Variants in TEX9 observed in about 807,000 individuals in gnomAD.
The protein encoded by TEX9 is testis-expressed protein 9.
A neutral mutation model predicts 59.6 loss-of-function variants in TEX9; 74 were observed. The observed-to-expected ratio is 1.24, with a 90% CI of 1.03 to 1.51. The LOEUF (loss-of-function observed/expected upper bound fraction) is 1.51. TEX9 is among the 40% of genes most tolerant of loss of function. The probability of loss-of-function intolerance (pLI) is 0.00; values close to 1 mark genes in which losing one functional copy is unlikely to be tolerated. For missense variants in TEX9, 522 were observed against 447.8 expected, an observed-to-expected ratio of 1.17 and a Z score of -1.49; for synonymous variants, 186 against 152.2, an observed-to-expected ratio of 1.22 and a Z score of -1.64.
chr15:56,376,721 T>G (rs2047471571), intron 3 of TEX9, among the ~76,000 whole-genome samples: 1 of 152,142 alleles, frequency 6.6e-6, no homozygotes, highest in Non-Finnish European at 1.5e-5. Flanking sequence ...TTTACTTTAT[T>G]GTTTCCTTCA....
At chr15:56,357,610 A>G (rs762773357) in intron 1 of TEX9, among the ~76,000 whole-genome samples, 6 of 152,044 alleles carry the variant, frequency 3.9e-5, no homozygotes, top group Non-Finnish European at 8.8e-5. Context: ...CTGTTTAACC[A>G]TTCTCTGTTC....
downstream of TEX9, among the ~76,000 whole-genome samples, chr15:56,450,252 C>A (rs2140368744): frequency 6.6e-6 from 1 of 152,196 alleles, no homozygotes; most frequent in South Asian, 2.1e-4. Context: ...CATTTTTTAT[C>A]ATGTGAAAAT....
At chr15:56,455,550 C>A in the TEX9 span, among the ~76,000 whole-genome samples, 1 of 152,072 alleles carries the variant, frequency 6.6e-6, no homozygotes, top group South Asian at 2.1e-4. Context: ...TAACAACTAT[C>A]GAAGTAAATT....
intron 1 of TEX9, among the ~76,000 whole-genome samples, chr15:56,286,575 T>C (rs8032826): frequency 0.37 from 56,282 of 151,962 alleles, 10,761 homozygotes; most frequent in Middle Eastern, 0.53. Flanking sequence ...CCATTGGATA[T>C]AGGACAACAG....
At chr15:56,418,818 T>C (rs2049828470) in intron 10 of TEX9, among the ~76,000 whole-genome samples, 1 of 151,978 alleles carries the variant, frequency 6.6e-6, no homozygotes, top group African/African-American at 2.4e-5. Context: ...GTGGAAAGTA[T>C]ATGGTGCTTT....
intron 1 of TEX9, among the ~76,000 whole-genome samples, chr15:56,309,627 G>A (rs1452641380): frequency 1.5e-5 from 2 of 133,920 alleles, no homozygotes; most frequent in Non-Finnish European, 3.1e-5. Flanking sequence ...AAAGATTGGT[G>A]TTAATTCTTT....
At chr15:56,451,959 C>A in the TEX9 span, among the ~76,000 whole-genome samples, 1 of 152,074 alleles carries the variant, frequency 6.6e-6, no homozygotes, top group Admixed American at 6.5e-5. Flanking sequence ...CTCTGAAAAT[C>A]TGTTGATATT....
chr15:56,318,915 A>G (rs1394483380), intron 1 of TEX9, among the ~76,000 whole-genome samples: 1 of 152,100 alleles, frequency 6.6e-6, no homozygotes, highest in East Asian at 1.9e-4. Context: ...TTAAGAGACT[A>G]CTCAACAAAT....
At chr15:56,436,528 A>G (rs1355751596) in intron 12 of TEX9, among the ~76,000 whole-genome samples, 1 of 152,178 alleles carries the variant, frequency 6.6e-6, no homozygotes, top group Non-Finnish European at 1.5e-5. Context: ...TTGACACCCT[A>G]ACATCACAAT....
chr15:56,339,156 G>T (rs1316840930), intron 1 of TEX9, among the ~76,000 whole-genome samples: 10 of 151,688 alleles, frequency 6.6e-5, no homozygotes, highest in Admixed American at 6.6e-4. Flanking sequence ...GCTGAGGTGG[G>T]TGGATCACCT....
intron 1 of TEX9, among the ~76,000 whole-genome samples, chr15:56,256,548 A>G (rs1302167380): frequency 2.0e-5 from 3 of 152,048 alleles, no homozygotes; most frequent in African/African-American, 7.2e-5. Context: ...AAAAAACATG[A>G]ATAAAATGTT....
intron 9 of TEX9, among the ~76,000 whole-genome samples, chr15:56,399,497 C>A (rs569872262): frequency 2.0e-4 from 31 of 152,350 alleles, no homozygotes; most frequent in African/African-American, 7.5e-4. Context: ...TCAGCAAGGC[C>A]TACTGCCTCT....
At chr15:56,335,846 A>G (rs2046246663) in intron 1 of TEX9, among the ~76,000 whole-genome samples, 1 of 152,216 alleles carries the variant, frequency 6.6e-6, no homozygotes, top group Non-Finnish European at 1.5e-5. Flanking sequence ...AACACAAACG[A>G]TTCATATTTT....
chr15:56,437,208 A>G (rs2050741791), intron 12 of TEX9, among the ~76,000 whole-genome samples: 3 of 152,104 alleles, frequency 2.0e-5, no homozygotes. Flanking sequence ...TTGATGCAAA[A>G]CTCCGCAATA....
At chr15:56,332,543 G>A (rs1306640764) in intron 1 of TEX9, among the ~76,000 whole-genome samples, 5 of 151,448 alleles carry the variant, frequency 3.3e-5, no homozygotes, top group Non-Finnish European at 5.9e-5. Flanking sequence ...TGGGTGCAGC[G>A]CACCAGCATG....
intron 1 of TEX9, among the ~76,000 whole-genome samples, chr15:56,307,447 T>C (rs1392769697): frequency 3.9e-5 from 6 of 152,194 alleles, no homozygotes; most frequent in African/African-American, 1.4e-4. Context: ...ACTGACGAGA[T>C]AAAAGGTTTG....
intron 1 of TEX9, among the ~76,000 whole-genome samples, chr15:56,335,030 G>A (rs1305714038): frequency 6.6e-6 from 1 of 152,078 alleles, no homozygotes; most frequent in Non-Finnish European, 1.5e-5. Context: ...AGGAGAAAAG[G>A]GAATCCTGGT....
chr15:56,308,625 C>A (rs553693688), intron 1 of TEX9, among the ~76,000 whole-genome samples: 1 of 152,148 alleles, frequency 6.6e-6, no homozygotes, highest in South Asian at 2.1e-4. Flanking sequence ...TCTAAGAAAT[C>A]ATTCCTGATC....
At chr15:56,276,859 C>A (rs1567070814) in intron 1 of TEX9, among the ~76,000 whole-genome samples, 1 of 152,062 alleles carries the variant, frequency 6.6e-6, no homozygotes, top group Non-Finnish European at 1.5e-5. Context: ...GATAGCCGTT[C>A]TAACTGGTGT....
Sources: gnomAD v4.1 joint callset for allele counts (sites outside exome capture counted in the v4.1 genomes callset) on GRCh38, gnomAD v4.1.1 for gene constraint, MANE v1.5 for transcripts, NCBI Gene and HGNC (gene_info 2026-07-23, HGNC 2026-07-21) for gene names.